PCDHGA11: variants seen among roughly 807,000 people sequenced by gnomAD.
PCDHGA11 encodes the protein protocadherin gamma-A11.
PCDHGA11 carries 39 observed loss-of-function variants against 60.4 expected under a neutral mutation model. That is an observed-to-expected ratio of 0.65 (90% CI 0.50 to 0.84). The LOEUF is 0.84. Among genes scored for constraint, PCDHGA11 ranks in the 40% least tolerant of loss-of-function variants. The pLI, the probability that PCDHGA11 is intolerant of heterozygous loss-of-function variation, is 0.00. For synonymous variants in PCDHGA11, 533 were observed against 510.3 expected (o/e 1.04, Z -0.60); for missense variants, 1,165 against 1,197.7 (o/e 0.97, Z 0.40).
Position 141,510,942 on chromosome 5 carries a change from T to C in PCDHGA11, c.2582-5T>C, listed in dbSNP as rs769766039. On this transcript the variant is annotated splice_region_variant and splice_polypyrimidine_tract_variant and intron_variant, in intron 3 of 3. Transcript: ENST00000398587. ...CTCCCACCTGATCTTCCTCTGTCTCTGCAGAAGCTGCTGATGGGAGCTCCA... is the reference window on the plus strand; with the variant it reads ...CTCCCACCTGATCTTCCTCTGTCTCCGCAGAAGCTGCTGATGGGAGCTCCA... 5 of 1,613,984 alleles carry C rather than the reference T, an allele frequency of 3.1e-6. No homozygotes were observed. The highest frequency in any genetic ancestry group is 4.2e-6 in the Non-Finnish European group (5 of 1,180,014).
chr5:141,502,487 C>A (rs563658817), intron 2 of PCDHGA11, among the ~76,000 whole-genome samples: 1 of 152,182 alleles, frequency 6.6e-6, no homozygotes, highest in Non-Finnish European at 1.5e-5. Context: ...CACACTGGGA[C>A]TCATCTAACG....
Position 141,490,387 on chromosome 5 carries a change from G to C in PCDHGA11, c.2434-4420G>C. 2 of 1,614,196 alleles carry C rather than the reference G, an allele frequency of 1.2e-6. No individual in the cohort carries two copies. The highest frequency in any genetic ancestry group is 1.7e-6 in the Non-Finnish European group (2 of 1,180,034). On this transcript the variant is annotated intron_variant, in intron 1 of 3. Transcript: ENST00000398587. This position sits in a 1 kb window ranked among gnomAD's most constrained non-coding sequence, Gnocchi z 5.4. ...GCGAGACCGGGACTCAGGTAGAAATGGTGAAGTGAGCCTTGATATCTCTCC... is the reference window on the plus strand; with the variant it reads ...GCGAGACCGGGACTCAGGTAGAAATCGTGAAGTGAGCCTTGATATCTCTCC...
intron 1 of PCDHGA11, chr5:141,441,337 T>A (rs980210130): frequency 6.6e-6 from 1 of 152,112 alleles, no homozygotes; most frequent in African/African-American, 2.4e-5. Flanking sequence ...CTCCAATAAT[T>A]AACTACATGC....
Position 141,476,110 on chromosome 5 carries a change from G to A in PCDHGA11, c.2434-18697G>A. ...GACCCCGCTGAGAGGAACTGCTTTT[G>A]AGTGAGATGGTCCCAGAGGCCTGGA... On this transcript the variant is annotated intron_variant, in intron 1 of 3. Transcript: ENST00000398587. The surrounding 1 kb of genome is among the most constrained non-coding windows in gnomAD (Gnocchi z 7.6). 1.9e-6 allele frequency: 3 copies of A among 1,589,382 alleles called. No homozygotes were observed. The highest frequency in any genetic ancestry group is 2.6e-6 in the Non-Finnish European group (3 of 1,170,364).
intron 1 of PCDHGA11, among the ~76,000 whole-genome samples, chr5:141,451,062 T>C (rs1292296274): frequency 1.3e-5 from 2 of 151,500 alleles, no homozygotes; most frequent in Non-Finnish European, 2.9e-5. Flanking sequence ...ACTCCTGACC[T>C]TGTGATCCAC....
At chr5:141,466,384 T>C (rs1209046694) in intron 1 of PCDHGA11, among the ~76,000 whole-genome samples, 9 of 152,168 alleles carry the variant, frequency 5.9e-5, no homozygotes, top group Non-Finnish European at 1.3e-4. Context: ...ACCCATCTAA[T>C]GGAAAGTTTG....
intron 1 of PCDHGA11, among the ~76,000 whole-genome samples, chr5:141,472,136 A>T (rs1172420221): frequency 1.1e-4 from 17 of 152,262 alleles, no homozygotes; most frequent in Non-Finnish European, 2.5e-4. Flanking sequence ...AGTTAAAAAT[A>T]AAAGTTTCAT....
chr5:141,477,007 A>C lies in PCDHGA11; in HGVS notation c.2434-17800A>C, dbSNP rs891158982. The C allele has an allele frequency of 1.9e-6, 3 of 1,614,258 alleles. No individual in the cohort carries two copies. The Admixed American group carries it at 5.0e-5, about 27-fold the overall frequency. ...CCGGCGTGCGGCAACTATTCGCCTT[A>C]GACCTTGTAACCGGGATGCTGACAA... On this transcript the variant is annotated intron_variant, in intron 1 of 3. Coordinates refer to ENST00000398587, the MANE Select transcript of PCDHGA11 (RefSeq NM_018914.3). This position sits in a 1 kb window ranked among gnomAD's most constrained non-coding sequence, Gnocchi z 4.9.
chr5:141,486,555 A>T lies in PCDHGA11; in HGVS notation c.2434-8252A>T, dbSNP rs746001345. The T allele has an allele frequency of 6.2e-6, 10 of 1,614,078 alleles. No individual in the cohort carries two copies. Among genetic ancestry groups the T allele is most frequent in the Non-Finnish European group, 7.6e-6 (9 of 1,180,022 alleles). ...CCCTCTTTCTTTCAGAGGTCACATGAGGTGTTTGTTCCTGAGAACAATCGC... is the reference window on the plus strand; with the variant it reads ...CCCTCTTTCTTTCAGAGGTCACATGTGGTGTTTGTTCCTGAGAACAATCGC... On this transcript the variant is annotated intron_variant, in intron 1 of 3. Transcript: ENST00000398587. This position sits in a 1 kb window ranked among gnomAD's most constrained non-coding sequence, Gnocchi z 5.0.
At position 141,485,343 on chromosome 5, in the gene PCDHGA11, A is replaced by G; in HGVS notation, c.2434-9464A>G. ...GCTCAAGATTTCCTGCTGGATACGG[A>G]CAGTCTGTCAGCTCGCAGGCTGCAG... On this transcript the variant is annotated intron_variant, in intron 1 of 3. Transcript: ENST00000398587. This position sits in a 1 kb window ranked among gnomAD's most constrained non-coding sequence, Gnocchi z 5.7. 1 of 1,614,062 alleles carries G rather than the reference A, an allele frequency of 6.2e-7. No homozygotes were observed. Among genetic ancestry groups the G allele is most frequent in the Non-Finnish European group, 8.5e-7 (1 of 1,179,984 alleles).
intron 1 of PCDHGA11, among the ~76,000 whole-genome samples, chr5:141,474,990 A>G (rs1245269630): frequency 6.6e-6 from 1 of 152,222 alleles, no homozygotes; most frequent in African/African-American, 2.4e-5. Context: ...GGTGACAACA[A>G]TTCTAAATGC....
rs756332070 is a variant in PCDHGA11, at chr5:141,431,578, C to A, written c.2433+7918C>A. The stretch of plus-strand genomic sequence containing the variant: ...ACGCTACCGACCCTGACGAAGGAGT[C>A]AATGCGGAAGTGAGGTATTCCTTCC... On this transcript the variant is annotated intron_variant, in intron 1 of 3. Transcript: ENST00000398587. This position sits in a 1 kb window ranked among gnomAD's most constrained non-coding sequence, Gnocchi z 4.8. 6.2e-7 allele frequency: 1 copy of A among 1,614,164 alleles called. No homozygotes were observed. Among genetic ancestry groups the A allele is most frequent in the African/African-American group, 1.3e-5 (1 of 75,060 alleles).
chr5:141,441,882 C>A, intron 1 of PCDHGA11: 1 of 343,664 alleles, frequency 2.9e-6, no homozygotes, highest in South Asian at 2.6e-5. Context: ...GCTACCTGGT[C>A]ACCAAGGTGG....
chr5:141,447,709 T>C (rs896203283), intron 1 of PCDHGA11, among the ~76,000 whole-genome samples: 1 of 152,210 alleles, frequency 6.6e-6, no homozygotes, highest in East Asian at 1.9e-4. Context: ...TATAAGGATG[T>C]ACACATTTTC....
rs2097536640 is a variant in PCDHGA11 at position 141,432,779 on chromosome 5, G to C, written c.2433+9119G>C. 3 of 1,614,170 alleles carry C rather than the reference G, an allele frequency of 1.9e-6. No individual in the cohort carries two copies. The highest frequency in any genetic ancestry group is 2.5e-6 in the Non-Finnish European group (3 of 1,180,002). On this transcript the variant is annotated intron_variant, in intron 1 of 3. Coordinates refer to ENST00000398587, the MANE Select transcript of PCDHGA11 (RefSeq NM_018914.3). The surrounding 1 kb of genome is among the most constrained non-coding windows in gnomAD (Gnocchi z 6.0). Reference sequence around the variant, plus strand: ...CGACAGCATCCCCCAAGTCCTGGCGGACCTCGGCAGCCTCGAGTCTCCAGC... The same window carrying C: ...CGACAGCATCCCCCAAGTCCTGGCGCACCTCGGCAGCCTCGAGTCTCCAGC...
chr5:141,512,942 C>T lies in PCDHGA11; in HGVS notation c.*1769C>T, dbSNP rs1596321854. 3.3e-5 allele frequency: 5 copies of T among 151,644 alleles called. No individual in the cohort carries two copies. The South Asian group carries it at 1.0e-3, about 32-fold the overall frequency. The allele number at this position is 151,644 out of a possible 1,614,324, so 9.4% of individuals were successfully genotyped here. On this transcript the variant is annotated 3_prime_UTR_variant, in exon 4 of 4. Transcript: ENST00000398587. Reference sequence around the variant, plus strand: ...TAATATTTATATGGCTTTTTTTCTTCGACAAAAAAATAATAAAACGTTTCT... The same window carrying T: ...TAATATTTATATGGCTTTTTTTCTTTGACAAAAAAATAATAAAACGTTTCT...
rs1187459113 is a variant in PCDHGA11 at position 141,487,187 on chromosome 5, G to A, written c.2434-7620G>A. On this transcript the variant is annotated intron_variant, in intron 1 of 3. Coordinates refer to ENST00000398587, the MANE Select transcript of PCDHGA11 (RefSeq NM_018914.3). This position sits in a 1 kb window ranked among gnomAD's most constrained non-coding sequence, Gnocchi z 5.0. The stretch of plus-strand genomic sequence containing the variant: ...GTCCTTAGAGGAAGACACTCATCCA[G>A]TTGTCCCAGATCTTCGAGAATCTTC... 1.2e-6 allele frequency: 2 copies of A among 1,613,826 alleles called. No homozygotes were observed. Among genetic ancestry groups the A allele is most frequent in the Admixed American group, 3.3e-5 (2 of 60,024 alleles).
chr5:141,501,328 CACACA>C (rs1562200832), intron 2 of PCDHGA11, among the ~76,000 whole-genome samples: 17 of 151,710 alleles, frequency 1.1e-4, no homozygotes, highest in African/African-American at 1.9e-4. Context: ...CACACACACA[CACACA>C]CCCCAAACTC....
At position 141,512,091 on chromosome 5, in the gene PCDHGA11, A is replaced by C. The variant is rs1329025049; in HGVS notation, c.*918A>C. On this transcript the variant is annotated 3_prime_UTR_variant, in exon 4 of 4. Transcript: ENST00000398587. The stretch of plus-strand genomic sequence containing the variant: ...TCCAGATTCCAGCCATAAACCAATA[A>C]CTAGGCTGGACCCTTCCCACTACAT... 1 of 152,656 alleles carries C rather than the reference A, an allele frequency of 6.6e-6. No homozygotes were observed. The highest frequency in any genetic ancestry group is 2.4e-5 in the African/African-American group (1 of 41,456). 9.5% of individuals were successfully genotyped at this position (152,656 alleles called of 1,614,324 possible). A position where few individuals can be genotyped will look rare whatever the true frequency, so the allele number is the denominator to read the frequency against.
Sources: allele counts gnomAD v4.1 joint callset (sites outside exome capture counted in the v4.1 genomes callset), GRCh38; gene constraint gnomAD v4.1.1; non-coding constraint Gnocchi (gnomAD v3.1); transcripts MANE v1.5; gene names NCBI Gene and HGNC (gene_info 2026-07-23, HGNC 2026-07-21).